The following HDAC4 variants were observed in gnomAD, a reference collection of about 807,000 sequenced individuals.
HDAC4 encodes histone deacetylase 4.
Under a neutral mutation model 135.1 loss-of-function variants are expected in HDAC4, and 16 were observed. That is an observed-to-expected ratio of 0.12 (90% confidence interval 0.08 to 0.18). HDAC4 has a LOEUF of 0.18. HDAC4 is among the 10% of genes least tolerant of loss of function. The probability of loss-of-function intolerance (pLI) is 1.00; values close to 1 mark genes in which losing one functional copy is unlikely to be tolerated. For missense variants in HDAC4, 1,143 were observed against 1,511.8 expected (o/e 0.76, Z 4.05); for synonymous variants, 685 against 653.4 (o/e 1.05, Z -0.74).
chr2:239,095,559 T>C (rs1052139795), intron 16 of HDAC4, among the ~76,000 whole-genome samples: 1 of 152,090 alleles, frequency 6.6e-6, no homozygotes. Flanking sequence ...TCCTCGGGAA[T>C]GTATGCAGCG....
At chr2:239,332,952 A>C (rs1015548836) in intron 2 of HDAC4, among the ~76,000 whole-genome samples, 3 of 152,174 alleles carry the variant, frequency 2.0e-5, no homozygotes, top group African/African-American at 7.2e-5. Flanking sequence ...AATACATTTG[A>C]AGATGCAGAT....
chr2:239,314,591 A>G (rs767977702), intron 2 of HDAC4, among the ~76,000 whole-genome samples: 1 of 152,268 alleles, frequency 6.6e-6, no homozygotes, highest in Non-Finnish European at 1.5e-5. Context: ...TGGAACTTGT[A>G]GAAACAAAAC....
intron 16 of HDAC4, among the ~76,000 whole-genome samples, chr2:239,099,504 GGT>G (rs1413794230): frequency 6.6e-6 from 1 of 152,230 alleles, no homozygotes; most frequent in Non-Finnish European, 1.5e-5. Context: ...CAGAAGCTGA[GGT>G]GTTACATGGG....
intron 3 of HDAC4, among the ~76,000 whole-genome samples, chr2:239,223,624 T>C (rs1052734988): frequency 1.3e-5 from 2 of 152,120 alleles, no homozygotes; most frequent in Non-Finnish European, 2.9e-5. Flanking sequence ...GAGTGACAGA[T>C]GGGTGGCCTT....
chr2:239,087,109 C>G (rs1240583085), intron 19 of HDAC4, among the ~76,000 whole-genome samples: 1 of 152,208 alleles, frequency 6.6e-6, no homozygotes, highest in East Asian at 1.9e-4. Flanking sequence ...CCCGAAACAG[C>G]ATCAGGATAG....
At chr2:239,162,664 G>C (rs971230260) in intron 6 of HDAC4, among the ~76,000 whole-genome samples, 3 of 152,158 alleles carry the variant, frequency 2.0e-5, no homozygotes, top group Admixed American at 6.5e-5. Flanking sequence ...TTGCAAGTTT[G>C]TGTGTCCCTG....
intron 24 of HDAC4, among the ~76,000 whole-genome samples, chr2:239,061,453 T>C (rs890015199): frequency 1.3e-5 from 2 of 151,410 alleles, no homozygotes; most frequent in African/African-American, 4.9e-5. Flanking sequence ...CCTGTGTGGG[T>C]GTGCGTATGT....
chr2:239,111,745 C>T (rs781064382), intron 13 of HDAC4, 33 bp from the exon 14 acceptor site: 20 of 1,555,806 alleles, frequency 1.3e-5, no homozygotes, highest in Middle Eastern at 1.8e-4. Context: ...TTGGCGGTTG[C>T]GGATGTCTCC....
intron 24 of HDAC4, 56 bp downstream of exon 24, chr2:239,066,666 A>G (rs2033529697): frequency 1.2e-5 from 19 of 1,611,300 alleles, no homozygotes; most frequent in African/African-American, 2.7e-5. Flanking sequence ...CAGCCAGGCC[A>G]CAACCCCGAG....
At chr2:239,116,061 C>A (rs1474531372) in intron 12 of HDAC4, among the ~76,000 whole-genome samples, 1 of 152,204 alleles carries the variant, frequency 6.6e-6, no homozygotes, top group African/African-American at 2.4e-5. Context: ...CTCACGGACG[C>A]TTCTCGGTCT....
chr2:239,052,984 TG>T lies in HDAC4; in HGVS notation c.*112del, dbSNP rs540175074. 125 of 1,281,048 alleles carry T rather than the reference TG, an allele frequency of 9.8e-5. No homozygotes were observed. The East Asian group carries it at 2.5e-3, about 25-fold the overall frequency. 79.4% of individuals were successfully genotyped at this position (1,281,048 alleles called of 1,614,324 possible). A position where few individuals can be genotyped will look rare whatever the true frequency, so the allele number is the denominator to read the frequency against. ...GTGGCTGTTGCACGCTGGGTGTCCC[TG>T]GGTGCTCCAAGAGAGCCCCACGGTG... On this transcript the variant is annotated 3_prime_UTR_variant, in exon 27 of 27. Coordinates refer to ENST00000543185, the MANE Select transcript of HDAC4 (RefSeq NM_001378414.1).
At chr2:239,276,397 G>A (rs947500811) in intron 2 of HDAC4, among the ~76,000 whole-genome samples, 22 of 152,226 alleles carry the variant, frequency 1.4e-4, no homozygotes, top group African/African-American at 4.1e-4. Flanking sequence ...GCCACAGGAC[G>A]GGGGCAGGAG....
chr2:239,211,136 G>A (rs1004029523), intron 3 of HDAC4, among the ~76,000 whole-genome samples: 4 of 152,172 alleles, frequency 2.6e-5, no homozygotes, highest in African/African-American at 9.7e-5. Context: ...TTCATGCATC[G>A]AAAATCACTT....
At chr2:239,347,639 C>A (rs986371166) in intron 2 of HDAC4, among the ~76,000 whole-genome samples, 1 of 152,108 alleles carries the variant, frequency 6.6e-6, no homozygotes, top group African/African-American at 2.4e-5. Context: ...CTCAGCCTCC[C>A]GAGTAGCTGG....
chr2:239,149,559 C>T (rs2041980263), intron 7 of HDAC4, among the ~76,000 whole-genome samples: 1 of 152,154 alleles, frequency 6.6e-6, no homozygotes, highest in South Asian at 2.1e-4. Context: ...AAGCAACCTC[C>T]ATTCAGCACT....
chr2:239,127,991 T>C (rs2040313181), intron 11 of HDAC4, among the ~76,000 whole-genome samples: 1 of 152,212 alleles, frequency 6.6e-6, no homozygotes, highest in Non-Finnish European at 1.5e-5. Context: ...CTACGTGATA[T>C]GCAAACACAA....
At chr2:239,280,662 C>A (rs181345169) in intron 2 of HDAC4, among the ~76,000 whole-genome samples, 3 of 152,160 alleles carry the variant, frequency 2.0e-5, no homozygotes, top group Non-Finnish European at 2.9e-5. Context: ...AACAAAGATG[C>A]GACGCAACAT....
intron 15 of HDAC4, among the ~76,000 whole-genome samples, chr2:239,106,771 T>C (rs1367923797): frequency 6.6e-6 from 1 of 152,192 alleles, no homozygotes; most frequent in Non-Finnish European, 1.5e-5. Context: ...GGCGGGACCC[T>C]GCAGAAACTA....
At chr2:239,283,698 C>A (rs975261526) in intron 2 of HDAC4, among the ~76,000 whole-genome samples, 1 of 152,178 alleles carries the variant, frequency 6.6e-6, no homozygotes, top group Admixed American at 6.5e-5. Flanking sequence ...TGTTTGGCAA[C>A]CCACTTCCGC....
Sources: gnomAD v4.1 joint callset for allele counts (sites outside exome capture counted in the v4.1 genomes callset) on GRCh38, gnomAD v4.1.1 for gene constraint, MANE v1.5 for transcripts, NCBI Gene and HGNC (gene_info 2026-07-23, HGNC 2026-07-21) for gene names.